Variants in MMP26 observed in about 807,000 individuals in gnomAD.
The protein encoded by MMP26 is matrix metallopeptidase 26.
A neutral mutation model predicts 31.0 loss-of-function variants in MMP26; 33 were observed. The ratio of observed to expected loss-of-function variants is 1.06; its 90% CI spans 0.81 to 1.42. MMP26 has a LOEUF of 1.42. MMP26 is among the 40% of genes most tolerant of loss of function. The pLI is 0.00. For synonymous variants in MMP26, 122 were observed against 114.9 expected (o/e 1.06, Z -0.40); for missense variants, 347 against 316.1 (o/e 1.10, Z -0.74).
At chr11:4,942,234 A>T (rs1846221336) in intron 2 of MMP26, among the ~76,000 whole-genome samples, 1 of 151,976 alleles carries the variant, frequency 6.6e-6, no homozygotes, top group Non-Finnish European at 1.5e-5. Context: ...TGAGTCTTAC[A>T]TTAAAAAAAG....
chr11:4,793,622 T>G (rs1403898853), intron 2 of MMP26, among the ~76,000 whole-genome samples: 5 of 152,158 alleles, frequency 3.3e-5, no homozygotes, highest in Non-Finnish European at 1.5e-5. Context: ...TCTTCAAGGG[T>G]TTACATCCTG....
chr11:4,914,547 C>CG (rs1851043492), intron 2 of MMP26: 1 of 549,162 alleles, frequency 1.8e-6, no homozygotes, highest in South Asian at 3.0e-5. Flanking sequence ...ACATTTTACC[C>CG]CCCCCTGCCC....
At chr11:4,718,767 T>A (rs1179826216) in intron 1 of MMP26, 1 of 157,732 alleles carries the variant, frequency 6.3e-6, no homozygotes, top group Non-Finnish European at 1.4e-5. Context: ...TTGCCATCGT[T>A]ACTCAGCCCA....
chr11:4,848,541 A>G (rs1185330827), intron 2 of MMP26: 1 of 1,612,480 alleles, frequency 6.2e-7, no homozygotes, highest in Non-Finnish European at 8.5e-7. Context: ...GCCATAGGAG[A>G]AGAAAATAAG....
intron 1 of MMP26, chr11:4,736,764 C>T (rs1176463815): frequency 2.0e-5 from 3 of 152,416 alleles, no homozygotes; most frequent in African/African-American, 7.2e-5. Flanking sequence ...GCACTGAGGA[C>T]TCCATGACAG....
rs537295077 is a variant in MMP26, at chr11:4,938,059, G to A, written c.-144-50009G>A. 4 of 152,306 alleles carry A rather than the reference G, an allele frequency of 2.6e-5. No individual in the cohort carries two copies. The East Asian group carries it at 7.7e-4, about 29-fold the overall frequency. The allele number at this position is 152,306 out of a possible 1,614,324, so 9.4% of individuals were successfully genotyped here. On this transcript the variant is annotated intron_variant, in intron 2 of 7. Coordinates refer to ENST00000380390, the MANE Select transcript of MMP26 (RefSeq NM_021801.5). ...GAATAGTCCCAAAGTGATGGGTAAGGAAGACAGAGACAGCCCTAGGTCAGA... is the reference window on the plus strand; with the variant it reads ...GAATAGTCCCAAAGTGATGGGTAAGAAAGACAGAGACAGCCCTAGGTCAGA...
chr11:4,906,979 C>T (rs1850900511), intron 2 of MMP26, among the ~76,000 whole-genome samples: 1 of 151,448 alleles, frequency 6.6e-6, no homozygotes, highest in Admixed American at 6.6e-5. Flanking sequence ...ACCTGTAATC[C>T]CAGCTACTTG....
chr11:4,991,286 T>C, intron 5 of MMP26, 85 bp from the exon 6 acceptor site: 1 of 1,488,650 alleles, frequency 6.7e-7, no homozygotes, highest in East Asian at 2.3e-5. Context: ...CACAGTATCC[T>C]AAGTCTCTGA....
chr11:4,879,968 T>C (rs1850435367), intron 2 of MMP26, among the ~76,000 whole-genome samples: 1 of 152,146 alleles, frequency 6.6e-6, no homozygotes, highest in South Asian at 2.1e-4. Context: ...GTTATAGTTA[T>C]TTGACCCAGG....
intron 2 of MMP26, chr11:4,848,312 A>G (rs1849905034): frequency 6.2e-7 from 1 of 1,613,970 alleles, no homozygotes; most frequent in African/African-American, 1.3e-5. Flanking sequence ...TCTTGACACT[A>G]TAGAGAATAG....
chr11:4,947,292 C>G lies in MMP26; in HGVS notation c.-144-40776C>G, dbSNP rs1208795318. Reference sequence around the variant, plus strand: ...GTTGGTTGCTGCTTTGGACTATAATCTGTCGTATAATACATTGGAAAAATT... The same window carrying G: ...GTTGGTTGCTGCTTTGGACTATAATGTGTCGTATAATACATTGGAAAAATT... On this transcript the variant is annotated intron_variant, in intron 2 of 7. Transcript: ENST00000380390. The G allele has an allele frequency of 1.1e-5, 5 of 443,990 alleles. 2 individuals are homozygous for G. The highest frequency in any genetic ancestry group is 2.0e-5 in the Non-Finnish European group (5 of 244,736). 27.5% of individuals were successfully genotyped at this position (443,990 alleles called of 1,614,324 possible).
chr11:4,970,191 T>C (rs765543065), intron 2 of MMP26, among the ~76,000 whole-genome samples: 1 of 152,274 alleles, frequency 6.6e-6, no homozygotes, highest in Non-Finnish European at 1.5e-5. Context: ...TAATACAATT[T>C]ATATTTCTGT....
chr11:4,711,360 A>G (rs570093021), intron 1 of MMP26: 3 of 152,336 alleles, frequency 2.0e-5, no homozygotes, highest in African/African-American at 7.2e-5. Flanking sequence ...GTATAAATAG[A>G]CATATCCCAA....
chr11:4,822,224 A>G lies in MMP26; in HGVS notation c.-145+54883A>G, dbSNP rs752162880. 8 of 1,584,190 alleles carry G rather than the reference A, an allele frequency of 5.0e-6. No homozygotes were observed. In the East Asian group the frequency reaches 6.7e-5, roughly 13 times the overall value. On this transcript the variant is annotated intron_variant, in intron 2 of 7. Transcript: ENST00000380390. Reference sequence around the variant, plus strand: ...TTGTCTCTTGTCCATCGCTATGGCCATTCAGCACCTCCATTTGTCCACATC... The same window carrying G: ...TTGTCTCTTGTCCATCGCTATGGCCGTTCAGCACCTCCATTTGTCCACATC...
At chr11:4,934,650 C>T (rs933205571) in intron 2 of MMP26, among the ~76,000 whole-genome samples, 21 of 144,440 alleles carry the variant, frequency 1.5e-4, no homozygotes, top group African/African-American at 5.4e-4. Context: ...AGTCCTTGCC[C>T]ATGCCTATGT....
At chr11:4,916,318 T>G (rs530677389) in intron 2 of MMP26, among the ~76,000 whole-genome samples, 1 of 152,184 alleles carries the variant, frequency 6.6e-6, no homozygotes, top group East Asian at 1.9e-4. Flanking sequence ...CTCTGCTCCT[T>G]CAGACTAAGA....
At chr11:4,893,879 C>T (rs147777239) in intron 2 of MMP26, among the ~76,000 whole-genome samples, 2 of 151,894 alleles carry the variant, frequency 1.3e-5, no homozygotes, top group Admixed American at 1.3e-4. Context: ...ACAGGATGAT[C>T]ACTTGAGTCC....
In MMP26 at chr11:4,969,617, G is replaced by A. The variant is rs186736513; in HGVS notation, c.-144-18451G>A. Among the ~76,000 whole-genome samples, 9 of 152,060 alleles carry A rather than the reference G, an allele frequency of 5.9e-5. 1 individual carries two copies. Among genetic ancestry groups the A allele is most frequent in the Admixed American group, 4.6e-4 (7 of 15,284 alleles). ...TTTTGTTTGTTTGTTTTACTGCTGT[G>A]CTTGACATACATAAAGTATTTATAT... On this transcript the variant is annotated intron_variant, in intron 2 of 7. Coordinates refer to ENST00000380390, the MANE Select transcript of MMP26 (RefSeq NM_021801.5).
chr11:4,846,433 G>A (rs1849868305), intron 2 of MMP26, among the ~76,000 whole-genome samples: 1 of 152,154 alleles, frequency 6.6e-6, no homozygotes, highest in Non-Finnish European at 1.5e-5. Flanking sequence ...GGAGAGGTGA[G>A]CATGGTTAAT....
Sources: allele counts gnomAD v4.1 joint callset (sites outside exome capture counted in the v4.1 genomes callset), GRCh38; gene constraint gnomAD v4.1.1; transcripts MANE v1.5; gene names NCBI Gene and HGNC (gene_info 2026-07-23, HGNC 2026-07-21).